PCDH9: variants seen among roughly 807,000 people sequenced by gnomAD.
The protein encoded by PCDH9 is protocadherin-9.
In PCDH9, 24 loss-of-function variants were observed where a neutral mutation model predicts 70.6. That is an observed-to-expected ratio of 0.34 (90% confidence interval 0.25 to 0.48). The LOEUF is 0.48. PCDH9 is among the 20% of genes least tolerant of loss of function. The pLI, the probability that PCDH9 is intolerant of heterozygous loss-of-function variation, is 0.99. For missense variants in PCDH9, 1,281 were observed against 1,503.6 expected, an observed-to-expected ratio of 0.85 and a Z score of 2.45; for synonymous variants, 562 against 558.5, an observed-to-expected ratio of 1.01 and a Z score of -0.09.
chr13:66,691,383 ATAGT>A (rs1245244444), intron 3 of PCDH9, among the ~76,000 whole-genome samples: 2 of 152,172 alleles, frequency 1.3e-5, no homozygotes, highest in Non-Finnish European at 2.9e-5. Context: ...TTCCATTGAC[ATAGT>A]TAGAATAGCA....
chr13:67,096,314 A>C (rs2086319232), intron 2 of PCDH9, among the ~76,000 whole-genome samples: 1 of 152,216 alleles, frequency 6.6e-6, no homozygotes, highest in Admixed American at 6.5e-5. Flanking sequence ...GAACCGTAAA[A>C]TACTACTAAG....
chr13:66,356,848 G>T (rs1213603184), intron 4 of PCDH9, among the ~76,000 whole-genome samples: 5 of 151,948 alleles, frequency 3.3e-5, no homozygotes, highest in Non-Finnish European at 7.4e-5. Context: ...ACATTCTTAT[G>T]ATGACAGTAC....
At chr13:66,747,920 A>C (rs2079397449) in intron 3 of PCDH9, among the ~76,000 whole-genome samples, 1 of 152,220 alleles carries the variant, frequency 6.6e-6, no homozygotes, top group Non-Finnish European at 1.5e-5. Context: ...AATTAGAAAG[A>C]GACCATTAGC....
chr13:66,320,153 G>A (rs1370894028), intron 4 of PCDH9, among the ~76,000 whole-genome samples: 3 of 151,962 alleles, frequency 2.0e-5, no homozygotes. Flanking sequence ...ACAAACACTG[G>A]GGCACCTTGC....
intron 4 of PCDH9, among the ~76,000 whole-genome samples, chr13:66,622,474 G>A (rs1003409264): frequency 2.0e-5 from 3 of 151,998 alleles, no homozygotes; most frequent in Non-Finnish European, 4.4e-5. Context: ...TACACCAATC[G>A]GCACTCTGTC....
Position 66,803,757 on chromosome 13 carries a change from T to G in PCDH9, c.3138+99747A>C, listed in dbSNP as rs140448085. Among the ~76,000 whole-genome samples, 58 of 152,288 alleles carry G rather than the reference T, an allele frequency of 3.8e-4. 1 individual carries two copies. The highest frequency in any genetic ancestry group is 1.2e-3 in the African/African-American group (50 of 41,566). On this transcript the variant is annotated intron_variant, in intron 3 of 4. Coordinates refer to ENST00000377865, the MANE Select transcript of PCDH9 (RefSeq NM_203487.3). ...ATGGGTGGATAACGTTACAGAAAAT[T>G]TGACCCGTGAGAAGGAACTGCCATC...
At chr13:66,936,809 T>G (rs2082922945) in intron 2 of PCDH9, among the ~76,000 whole-genome samples, 1 of 152,212 alleles carries the variant, frequency 6.6e-6, no homozygotes, top group African/African-American at 2.4e-5. Context: ...TTCTGAACTT[T>G]AACAGTCCCC....
intron 2 of PCDH9, among the ~76,000 whole-genome samples, chr13:67,095,440 G>C (rs192314584): frequency 6.6e-6 from 1 of 152,052 alleles, no homozygotes; most frequent in Non-Finnish European, 1.5e-5. Context: ...ACGTTTATGT[G>C]GGTAAAATTA....
chr13:66,904,131 G>C (rs1038473515), intron 2 of PCDH9, among the ~76,000 whole-genome samples: 2 of 151,650 alleles, frequency 1.3e-5, no homozygotes, highest in Non-Finnish European at 2.9e-5. Context: ...ATTTGAAATA[G>C]ATAAAACTGA....
At chr13:66,676,024 C>A (rs1198564492) in intron 3 of PCDH9, among the ~76,000 whole-genome samples, 4 of 152,178 alleles carry the variant, frequency 2.6e-5, no homozygotes, top group African/African-American at 4.8e-5. Context: ...CAACTTAGAA[C>A]TGCATCTAGA....
At chr13:66,941,954 T>C (rs370461351) in intron 2 of PCDH9, among the ~76,000 whole-genome samples, 2 of 151,800 alleles carry the variant, frequency 1.3e-5, no homozygotes, top group East Asian at 3.9e-4. Context: ...AAAAAGTAAC[T>C]CACACAAAGT....
intron 3 of PCDH9, among the ~76,000 whole-genome samples, chr13:66,887,396 A>C (rs981499969): frequency 6.6e-6 from 1 of 152,124 alleles, no homozygotes; most frequent in African/African-American, 2.4e-5. Flanking sequence ...AAAAAATGCT[A>C]CGTTCTATTT....
At chr13:66,778,034 A>G (rs1274525882) in intron 3 of PCDH9, among the ~76,000 whole-genome samples, 1 of 151,224 alleles carries the variant, frequency 6.6e-6, no homozygotes, top group Admixed American at 6.6e-5. Context: ...TCGCAAGAAC[A>G]AAAAACCAAG....
chr13:66,735,527 G>T (rs1377081764), intron 3 of PCDH9, among the ~76,000 whole-genome samples: 1 of 151,954 alleles, frequency 6.6e-6, no homozygotes, highest in Non-Finnish European at 1.5e-5. Flanking sequence ...TCTTAAATAT[G>T]AGCACATTTA....
intron 2 of PCDH9, chr13:67,219,512 GCTGA>G (rs1555321938): frequency 3.3e-5 from 5 of 151,446 alleles, no homozygotes; most frequent in Non-Finnish European, 4.4e-5. Flanking sequence ...TTTGGGGGTC[GCTGA>G]CTATGTCAAA....
At chr13:66,639,674 T>C (rs1464942821) in intron 3 of PCDH9, among the ~76,000 whole-genome samples, 5 of 152,156 alleles carry the variant, frequency 3.3e-5, no homozygotes, top group African/African-American at 1.2e-4. Context: ...TGTGGGACAT[T>C]AGAGAAAAAA....
At chr13:67,218,330 G>A (rs2089652639) in intron 2 of PCDH9, 1 of 152,034 alleles carries the variant, frequency 6.6e-6, no homozygotes, top group Non-Finnish European at 1.5e-5. Context: ...CAGAATGAAA[G>A]CTGAAGATTA....
intron 2 of PCDH9, among the ~76,000 whole-genome samples, chr13:66,977,990 C>A (rs1440461444): frequency 6.6e-6 from 1 of 152,126 alleles, no homozygotes; most frequent in Non-Finnish European, 1.5e-5. Context: ...AATATTTTTT[C>A]ATACCTGTTG....
intron 4 of PCDH9, among the ~76,000 whole-genome samples, chr13:66,586,409 T>C (rs943317289): frequency 3.3e-5 from 5 of 152,188 alleles, no homozygotes; most frequent in Non-Finnish European, 7.4e-5. Context: ...TGTGACATTA[T>C]ATGCATTCCT....
Sources: gnomAD v4.1 joint callset for allele counts (sites outside exome capture counted in the v4.1 genomes callset) on GRCh38, gnomAD v4.1.1 for gene constraint, MANE v1.5 for transcripts, NCBI Gene and HGNC (gene_info 2026-07-23, HGNC 2026-07-21) for gene names.